The following DCAF8L2 variants were observed in gnomAD, a reference collection of about 807,000 sequenced individuals.
DCAF8L2 encodes the protein DDB1 and CUL4 associated factor 8 like 2, also known as DDB1- and CUL4-associated factor 8-like protein 2.
For synonymous variants in DCAF8L2, 200 were observed against 190.9 expected (o/e 1.05, Z -0.39); for missense variants, 430 against 490.7 (o/e 0.88, Z 1.17).
At chrX:27,501,183 A>G in the DCAF8L2 span, among the ~76,000 whole-genome samples, 3 of 109,732 alleles carry the variant, frequency 2.7e-5, no homozygotes, top group Non-Finnish European at 5.7e-5. Context: ...TTAGCCTTAT[A>G]AAGAGGCATT....
At chrX:27,587,184 T>C (rs189765504), upstream of DCAF8L2, among the ~76,000 whole-genome samples, 629 of 111,719 alleles carry the variant, frequency 5.6e-3, 1 homozygote, top group Non-Finnish European at 0.01. Context: ...GCTTTCCTTA[T>C]ATTAAAATAC....
At chrX:27,741,022 G>A (rs1364961394) in intron 4 of DCAF8L2, among the ~76,000 whole-genome samples, 2 of 111,842 alleles carry the variant, frequency 1.8e-5, no homozygotes, top group South Asian at 7.4e-4. Context: ...TAAATGCACG[G>A]TGGATTAATG....
intron 2 of DCAF8L2, among the ~76,000 whole-genome samples, chrX:27,658,081 G>A (rs189443639): frequency 1.8e-5 from 2 of 112,613 alleles, no homozygotes; most frequent in African/African-American, 6.4e-5. Flanking sequence ...TGGCTTCATA[G>A]TTTTGCATAT....
chrX:27,535,378 C>T, the DCAF8L2 span, among the ~76,000 whole-genome samples: 1 of 111,725 alleles, frequency 9.0e-6, no homozygotes, highest in Non-Finnish European at 1.9e-5. Flanking sequence ...TCTCTTATCA[C>T]ATCGCCATCA....
intron 1 of DCAF8L2, among the ~76,000 whole-genome samples, chrX:27,628,159 T>G (rs749920220): frequency 9.0e-6 from 1 of 111,614 alleles, no homozygotes; most frequent in East Asian, 2.8e-4. Flanking sequence ...CTATTATAGA[T>G]ACCTCATATA....
chrX:27,651,401 T>G lies in DCAF8L2; in HGVS notation c.-220+19401T>G, dbSNP rs748526242. Among the ~76,000 whole-genome samples the G allele has an allele frequency of 5.4e-5, 6 of 111,481 alleles. No individual in the cohort carries two copies. The South Asian group carries it at 1.1e-3, about 21-fold the overall frequency. ...TTTACAAACTTTATTCATTTTTATG[T>G]GTATGTCCTTCATTAAAACCCTAAT... On this transcript the variant is annotated intron_variant, in intron 2 of 4. Transcript: ENST00000451261.
chrX:27,628,759 A>T (rs773135589), intron 1 of DCAF8L2, among the ~76,000 whole-genome samples: 2 of 109,599 alleles, frequency 1.8e-5, no homozygotes, highest in East Asian at 5.7e-4. Context: ...GCCCGCCACC[A>T]CGCCCGGCTA....
chrX:27,722,091 C>T (rs1931917462), intron 4 of DCAF8L2, among the ~76,000 whole-genome samples: 1 of 111,929 alleles, frequency 8.9e-6, no homozygotes, highest in Non-Finnish European at 1.9e-5. Flanking sequence ...AACCACAGAA[C>T]ATTTTCATTT....
intron 4 of DCAF8L2, among the ~76,000 whole-genome samples, chrX:27,724,177 T>A (rs1931995069): frequency 9.0e-6 from 1 of 110,726 alleles, no homozygotes; most frequent in African/African-American, 3.3e-5. Context: ...TATTATCTAC[T>A]CAAAAAATTA....
At chrX:27,595,381 A>G (rs961421988) in intron 1 of DCAF8L2, among the ~76,000 whole-genome samples, 3 of 111,628 alleles carry the variant, frequency 2.7e-5, no homozygotes, top group Non-Finnish European at 5.6e-5. Context: ...ATCTCAGTTA[A>G]TGGTAATTCC....
At chrX:27,486,629 T>C in the DCAF8L2 span, among the ~76,000 whole-genome samples, 1 of 111,746 alleles carries the variant, frequency 8.9e-6, no homozygotes, top group East Asian at 2.8e-4. Flanking sequence ...TGTCCCCTTT[T>C]CATGTTCTTT....
At chrX:27,564,641 C>A in the DCAF8L2 span, among the ~76,000 whole-genome samples, 18,316 of 108,446 alleles carry the variant, frequency 0.17, 1,277 homozygotes, top group East Asian at 0.36. Flanking sequence ...TGGATAATGG[C>A]GAGACTGGAA....
intron 4 of DCAF8L2, among the ~76,000 whole-genome samples, chrX:27,741,712 C>A (rs1235267376): frequency 9.0e-6 from 1 of 111,036 alleles, no homozygotes; most frequent in Non-Finnish European, 1.9e-5. Flanking sequence ...TATATGCCTC[C>A]CAATAGATTT....
chrX:27,718,432 T>C (rs182689636), intron 4 of DCAF8L2, among the ~76,000 whole-genome samples: 162 of 112,317 alleles, frequency 1.4e-3, no homozygotes, highest in Admixed American at 8.4e-3. Context: ...CCCCTACTTC[T>C]AGTTTGTGTA....
chrX:27,691,893 A>C (rs2147255634), intron 3 of DCAF8L2, among the ~76,000 whole-genome samples: 1 of 112,028 alleles, frequency 8.9e-6, no homozygotes, highest in East Asian at 2.8e-4. Flanking sequence ...GGAGATTAAA[A>C]ATGTGAAGAT....
the DCAF8L2 span, chrX:27,518,964 T>C: frequency 3.2e-6 from 2 of 622,288 alleles, no homozygotes; most frequent in Non-Finnish European, 5.5e-6. Flanking sequence ...TTGTTTTTTA[T>C]GCACCTCATC....
At chrX:27,564,710 G>A in the DCAF8L2 span, among the ~76,000 whole-genome samples, 1 of 86,748 alleles carries the variant, frequency 1.2e-5, no homozygotes, top group Non-Finnish European at 2.3e-5. Flanking sequence ...GACCCTGTAA[G>A]TCTGGAACAA....
At chrX:27,470,474 G>A in the DCAF8L2 span, among the ~76,000 whole-genome samples, 4 of 112,139 alleles carry the variant, frequency 3.6e-5, no homozygotes, top group East Asian at 8.5e-4. Context: ...GCTCTAATTG[G>A]TCAATGTTTG....
At chrX:27,512,794 A>AC in the DCAF8L2 span, among the ~76,000 whole-genome samples, 1 of 95,622 alleles carries the variant, frequency 1.0e-5, no homozygotes, top group Non-Finnish European at 2.1e-5. Context: ...AAAAAAAAAA[A>AC]AAAAAAAAAA....
Sources: gnomAD v4.1 joint callset for allele counts (sites outside exome capture counted in the v4.1 genomes callset) on GRCh38, gnomAD v4.1.1 for gene constraint, MANE v1.5 for transcripts, NCBI Gene and HGNC (gene_info 2026-07-23, HGNC 2026-07-21) for gene names.